Variants in GPC6 observed in about 807,000 individuals in gnomAD.
GPC6 encodes glypican 6.
In GPC6, 14 loss-of-function variants were observed where a neutral mutation model predicts 55.2. The ratio of observed to expected loss-of-function variants is 0.25; its 90% CI spans 0.17 to 0.40. The LOEUF (loss-of-function observed/expected upper bound fraction) is 0.40. Ranked by LOEUF, GPC6 falls within the 10% of genes least tolerant of loss-of-function variation. The pLI is 1.00. For synonymous variants in GPC6, 278 were observed against 259.6 expected, an observed-to-expected ratio of 1.07 and a Z score of -0.68; for missense variants, 641 against 708.5, an observed-to-expected ratio of 0.90 and a Z score of 1.08.
chr13:94,281,322 A>G (rs767521521), intron 4 of GPC6, among the ~76,000 whole-genome samples: 8 of 151,968 alleles, frequency 5.3e-5, no homozygotes, highest in Non-Finnish European at 1.0e-4. Context: ...TGCATTACGT[A>G]TTTGTCCTAA....
intron 3 of GPC6, among the ~76,000 whole-genome samples, chr13:94,008,377 A>T (rs181149197): frequency 1.3e-5 from 2 of 152,206 alleles, no homozygotes; most frequent in African/African-American, 2.4e-5. Flanking sequence ...AATTTTTATC[A>T]TAAGTTTAAA....
chr13:93,341,454 GT>G (rs1880251427), intron 1 of GPC6, among the ~76,000 whole-genome samples: 1 of 152,112 alleles, frequency 6.6e-6, no homozygotes, highest in African/African-American at 2.4e-5. Context: ...CACGAGTAAG[GT>G]GGTATCTCAT....
intron 5 of GPC6, among the ~76,000 whole-genome samples, chr13:94,298,108 G>A (rs368970284): frequency 5.3e-5 from 8 of 151,700 alleles, no homozygotes; most frequent in East Asian, 3.9e-4. Context: ...AGAAAAAGTC[G>A]TCATCAAGAT....
chr13:93,442,313 T>G (rs1877835601), intron 1 of GPC6, among the ~76,000 whole-genome samples: 1 of 152,186 alleles, frequency 6.6e-6, no homozygotes, highest in Middle Eastern at 3.4e-3. Context: ...ACCAGTGAAA[T>G]TGCTACTGCA....
intron 4 of GPC6, among the ~76,000 whole-genome samples, chr13:94,263,810 C>T (rs150530829): frequency 1.3e-5 from 2 of 152,322 alleles, no homozygotes; most frequent in African/African-American, 4.8e-5. Flanking sequence ...CTGAAATTTA[C>T]AGCCTGGCAG....
At chr13:93,487,221 A>AT (rs759351329) in intron 1 of GPC6, among the ~76,000 whole-genome samples, 10 of 151,726 alleles carry the variant, frequency 6.6e-5, no homozygotes, top group Admixed American at 1.3e-4. Context: ...AAATTTTTAA[A>AT]TTTTTTTTTA....
At chr13:93,280,009 A>G (rs1049174948) in intron 1 of GPC6, among the ~76,000 whole-genome samples, 1 of 152,226 alleles carries the variant, frequency 6.6e-6, no homozygotes, top group African/African-American at 2.4e-5. Context: ...ATTGAGAGGT[A>G]TAAGGATACC....
intron 4 of GPC6, among the ~76,000 whole-genome samples, chr13:94,165,275 CAT>C (rs144165319): frequency 0.032 from 4,582 of 143,120 alleles, 162 homozygotes; most frequent in African/African-American, 0.086. Flanking sequence ...TATATATACA[CAT>C]ATATATATAT....
chr13:94,149,284 G>A (rs1230595294), intron 4 of GPC6, among the ~76,000 whole-genome samples: 4 of 152,086 alleles, frequency 2.6e-5, no homozygotes, highest in African/African-American at 7.2e-5. Context: ...TGGAGATACC[G>A]ACTGCAAAGC....
At chr13:93,921,725 G>A (rs1877584990) in intron 3 of GPC6, among the ~76,000 whole-genome samples, 1 of 151,424 alleles carries the variant, frequency 6.6e-6, no homozygotes, top group South Asian at 2.1e-4. Context: ...GGGCATGGTG[G>A]GCCAAAAGGC....
At chr13:93,618,589 A>C (rs1183032761) in intron 2 of GPC6, among the ~76,000 whole-genome samples, 2 of 152,260 alleles carry the variant, frequency 1.3e-5, no homozygotes, top group East Asian at 3.9e-4. Context: ...CTCTAATTAC[A>C]CTTTGGATGG....
chr13:94,373,514 A>G (rs1042834244), intron 6 of GPC6, among the ~76,000 whole-genome samples: 5 of 152,224 alleles, frequency 3.3e-5, no homozygotes, highest in Non-Finnish European at 5.9e-5. Flanking sequence ...AGTTTAGAGA[A>G]AAAAGAATAA....
At chr13:93,852,967 T>G (rs1371357785) in intron 3 of GPC6, among the ~76,000 whole-genome samples, 2 of 151,742 alleles carry the variant, frequency 1.3e-5, no homozygotes, top group African/African-American at 4.8e-5. Context: ...GCAGGCAACA[T>G]ATGTACCAAT....
At chr13:94,372,495 A>C (rs546195929) in intron 6 of GPC6, among the ~76,000 whole-genome samples, 1 of 149,506 alleles carries the variant, frequency 6.7e-6, no homozygotes. Context: ...CGAATACTGC[A>C]CTTTTCCGAC....
chr13:93,706,520 G>A lies in GPC6; in HGVS notation c.320-123634G>A, dbSNP rs867526300. ...ACAGAATTAGATAGAAATCTTGACA[G>A]ATTCTCCTTTGCTTCAGTTAATCAC... On this transcript the variant is annotated intron_variant, in intron 2 of 8. Coordinates refer to ENST00000377047, the MANE Select transcript of GPC6 (RefSeq NM_005708.5). 7.9e-5 allele frequency among the ~76,000 whole-genome samples: 12 copies of A among 151,892 alleles called. No individual in the cohort carries two copies. The South Asian group carries it at 1.0e-3, about 13-fold the overall frequency.
chr13:93,906,679 G>T (rs1022002206), intron 3 of GPC6, among the ~76,000 whole-genome samples: 3 of 152,146 alleles, frequency 2.0e-5, no homozygotes, highest in Non-Finnish European at 2.9e-5. Flanking sequence ...GGGAGAGGAG[G>T]TGTATTCAAA....
chr13:93,850,523 A>G (rs765990293), intron 3 of GPC6, among the ~76,000 whole-genome samples: 27 of 151,724 alleles, frequency 1.8e-4, no homozygotes, highest in Admixed American at 4.0e-4. Flanking sequence ...AGAAAATAAA[A>G]CTCCATAAAC....
At chr13:93,990,902 G>GGA (rs1310220516) in intron 3 of GPC6, among the ~76,000 whole-genome samples, 1 of 149,580 alleles carries the variant, frequency 6.7e-6, no homozygotes, top group Non-Finnish European at 1.5e-5. Flanking sequence ...AAGGGAGAGG[G>GGA]GAGAGAGAGA....
chr13:93,462,767 C>G (rs932545655), intron 1 of GPC6, among the ~76,000 whole-genome samples: 1 of 151,808 alleles, frequency 6.6e-6, no homozygotes, highest in East Asian at 1.9e-4. Flanking sequence ...TGGGTTCAAG[C>G]AGAAGTAATC....
Sources: gnomAD v4.1 joint callset for allele counts (sites outside exome capture counted in the v4.1 genomes callset) on GRCh38, gnomAD v4.1.1 for gene constraint, MANE v1.5 for transcripts, NCBI Gene and HGNC (gene_info 2026-07-23, HGNC 2026-07-21) for gene names.